NPIPB11: variants seen among roughly 807,000 people sequenced by gnomAD.
NPIPB11 encodes the protein nuclear pore complex-interacting protein family member B11.
NPIPB11 carries 17 observed loss-of-function variants against 32.8 expected under a neutral mutation model. That is an observed-to-expected ratio of 0.52 (90% CI 0.35 to 0.78). NPIPB11 has a LOEUF of 0.78. Among genes scored for constraint, NPIPB11 ranks in the 30% least tolerant of loss-of-function variants. The probability of loss-of-function intolerance (pLI) is 0.01; values close to 1 mark genes in which losing one functional copy is unlikely to be tolerated. For synonymous variants in NPIPB11, 209 were observed against 398.4 expected (o/e 0.52, Z 5.66); for missense variants, 537 against 1,000.4 (o/e 0.54, Z 6.25).
At chr16:29,406,505 G>A (rs1351152053), upstream of NPIPB11, among the ~76,000 whole-genome samples, 3 of 152,194 alleles carry the variant, frequency 2.0e-5, no homozygotes, top group Admixed American at 2.0e-4. Context: ...ATCACCTGAG[G>A]TCGGGAGTTC....
At chr16:29,391,261 G>A (rs1257359371) in intron 3 of NPIPB11, among the ~76,000 whole-genome samples, 22 of 114,892 alleles carry the variant, frequency 1.9e-4, no homozygotes, top group South Asian at 8.7e-4. Context: ...GTGAGACTCC[G>A]TCTCAAAAAA....
At chr16:29,399,681 G>A (rs1963943026) in intron 2 of NPIPB11, among the ~76,000 whole-genome samples, 1 of 152,048 alleles carries the variant, frequency 6.6e-6, no homozygotes, top group Admixed American at 6.6e-5. Flanking sequence ...CTAGGAGACA[G>A]AGCGAGACTC....
At chr16:29,397,705 G>C (rs1340477977) in intron 2 of NPIPB11, 11 of 657,036 alleles carry the variant, frequency 1.7e-5, no homozygotes, top group Non-Finnish European at 2.8e-5. Context: ...CTTAGGGCAG[G>C]GGGGAGGGAA....
chr16:29,390,381 G>A (rs1310633123), intron 3 of NPIPB11, 33 bp from the exon 4 acceptor site: 2 of 1,575,942 alleles, frequency 1.3e-6, no homozygotes, highest in Non-Finnish European at 8.6e-7. Flanking sequence ...TGACGGCTGG[G>A]CACGGTGGCT....
At chr16:29,394,431 T>C (rs1418684178) in intron 2 of NPIPB11, among the ~76,000 whole-genome samples, 1 of 34,980 alleles carries the variant, frequency 2.9e-5, no homozygotes, top group Non-Finnish European at 6.7e-5. Context: ...AAAAACCTCT[T>C]TTTTTTTTTT....
In NPIPB11 at chr16:29,394,679, G is replaced by A. The variant is rs1161259029; in HGVS notation, c.121-603C>T. 5.9e-5 allele frequency among the ~76,000 whole-genome samples: 9 copies of A among 152,088 alleles called. No homozygotes were observed. In the South Asian group the frequency reaches 1.7e-3, roughly 28 times the overall value. On this transcript the variant is annotated intron_variant, in intron 2 of 7. Coordinates refer to ENST00000524087, the Ensembl canonical transcript of NPIPB11. ...TGAACTCCTGACAGGCGATCTGCCT[G>A]CCTCAGCCTCCCAAAGTGCTGGGAT... is the stretch of plus-strand genomic sequence containing the variant.
intron 2 of NPIPB11, among the ~76,000 whole-genome samples, chr16:29,402,776 A>G (rs1295290230): frequency 7.1e-6 from 1 of 140,482 alleles, no homozygotes; most frequent in African/African-American, 2.6e-5. Context: ...ATCTCTATAT[A>G]AATCTCAAAA....
At position 29,383,344 on chromosome 16, in the gene NPIPB11, CTGAGGGTGGAAGGGGAGTGAG is replaced by C; in HGVS notation, c.1567_1587del (p.Leu523_Ser529del). The C allele has an allele frequency of 4.8e-6, 7 of 1,445,298 alleles. No homozygotes were observed. In the Admixed American group the frequency reaches 6.5e-5, roughly 13 times the overall value. 89.5% of individuals were successfully genotyped at this position (1,445,298 alleles called of 1,614,324 possible). ...ATATTATCATCTGCTGAGGGTGGAG[CTGAGGGTGGAAGGGGAGTGAG>C]CTGACGCTCAGAAGGTGTCTTGAGA... is the stretch of plus-strand genomic sequence containing the variant. On this transcript the variant is annotated inframe_deletion, in exon 8 of 8. Transcript: ENST00000524087.
In NPIPB11 at chr16:29,382,159, C is replaced by G. The variant is rs1255134914; in HGVS notation, c.2773G>C (p.Glu925Gln). 4.9e-5 allele frequency: 24 copies of G among 489,688 alleles called. No individual in the cohort carries two copies. In the East Asian group the frequency reaches 7.5e-4, roughly 15 times the overall value. The allele number at this position is 489,688 out of a possible 1,614,324, so 30.3% of individuals were successfully genotyped here. Residue 925 changes from glutamate to glutamine, a missense_variant, in exon 8 of 8, where the codon GAG becomes CAG. Physicochemically the swap from Glu to Gln is conservative, Grantham distance 29 (BLOSUM62 2). Transcript: ENST00000524087. ...GGTGGAAGCGGCCCCCGCAGACGCT[C>G]GGCAGGTGTCTTGATATTATCATCT...
chr16:29,396,620 GA>G (rs1364809998), intron 2 of NPIPB11, among the ~76,000 whole-genome samples: 2 of 150,996 alleles, frequency 1.3e-5, no homozygotes, highest in Non-Finnish European at 3.0e-5. Context: ...AATTAGCTGG[GA>G]GTGGTGGCAC....
chr16:29,406,343 T>A (rs1371318370), upstream of NPIPB11, among the ~76,000 whole-genome samples: 1 of 152,296 alleles, frequency 6.6e-6, no homozygotes, highest in East Asian at 1.9e-4. Context: ...TTCCAAAAAT[T>A]GCATACATTT....
intron 2 of NPIPB11, among the ~76,000 whole-genome samples, chr16:29,399,503 C>G (rs900945915): frequency 1.3e-4 from 19 of 148,698 alleles, no homozygotes; most frequent in African/African-American, 1.7e-4. Flanking sequence ...AGTTCCAGAC[C>G]AGCCTGGCCA....
chr16:29,400,928 G>A (rs540887377), intron 2 of NPIPB11, among the ~76,000 whole-genome samples: 29 of 152,152 alleles, frequency 1.9e-4, no homozygotes, highest in African/African-American at 6.0e-4. Context: ...CCCCACAGAC[G>A]ATTCCCTGTC....
chr16:29,382,213 G>T lies in NPIPB11; in HGVS notation c.2719C>A (p.Pro907Thr), dbSNP rs577665970. The T allele has an allele frequency of 1.2e-5, 18 of 1,555,248 alleles. No homozygotes were observed. The African/African-American group carries it at 2.6e-4, about 22-fold the overall frequency. The change falls in exon 8 of 8, where the codon CCC becomes ACC. Residue 907 changes from proline to threonine, a missense_variant. Physicochemically the swap from Pro to Thr is conservative, Grantham distance 38 (BLOSUM62 -1). Coordinates refer to ENST00000524087, the Ensembl canonical transcript of NPIPB11. ...GAGGGTGGAGCTGAGGGTGGAAGGG[G>T]AGTGAGCTGACGTTTGGAAGGTGTC...
At chr16:29,394,339 C>A (rs1482671903) in intron 2 of NPIPB11, among the ~76,000 whole-genome samples, 2 of 151,732 alleles carry the variant, frequency 1.3e-5, no homozygotes, top group African/African-American at 4.8e-5. Context: ...CTTTTGACTT[C>A]CCTGCCTATA....
At chr16:29,382,164 G>A (rs1376321537) in exon 8 of NPIPB11, 2 of 504,738 alleles carry the variant, frequency 4.0e-6, no homozygotes, top group South Asian at 4.1e-5. Context: ...ACGCTCGGCA[G>A]GTGTCTTGAT....
chr16:29,397,552 T>C, intron 2 of NPIPB11: 1 of 1,523,538 alleles, frequency 6.6e-7, no homozygotes, highest in South Asian at 1.2e-5. Context: ...ACCCCGAGGG[T>C]CCAGCGTCTA....
intron 2 of NPIPB11, among the ~76,000 whole-genome samples, chr16:29,403,006 T>C (rs1053986873): frequency 5.5e-5 from 8 of 146,394 alleles, no homozygotes; most frequent in African/African-American, 2.0e-4. Flanking sequence ...ATAGAATGTA[T>C]TTATTATGAG....
chr16:29,401,576 C>A (rs1323587114), intron 2 of NPIPB11, among the ~76,000 whole-genome samples: 2 of 152,166 alleles, frequency 1.3e-5, no homozygotes. Context: ...TCCACAGTCT[C>A]CCATGTAGGC....
Sources: allele counts gnomAD v4.1 joint callset (sites outside exome capture counted in the v4.1 genomes callset), GRCh38; gene constraint gnomAD v4.1.1; transcripts MANE v1.5; gene names NCBI Gene and HGNC (gene_info 2026-07-23, HGNC 2026-07-21).